CNGB1: variants seen among roughly 807,000 people sequenced by gnomAD.
The protein encoded by CNGB1 is cyclic nucleotide gated channel subunit beta 1, also known as cyclic nucleotide-gated channel beta-1.
A neutral mutation model predicts 151.7 loss-of-function variants in CNGB1; 126 were observed. The ratio of observed to expected loss-of-function variants is 0.83; its 90% CI spans 0.72 to 0.96. CNGB1 has a LOEUF of 0.96. CNGB1 is among the 40% of genes least tolerant of loss of function. The pLI, the probability that CNGB1 is intolerant of heterozygous loss-of-function variation, is 0.00. For missense variants in CNGB1, 1,698 were observed against 1,627.0 expected (o/e 1.04, Z -0.75); for synonymous variants, 623 against 635.1 (o/e 0.98, Z 0.29).
intron 18 of CNGB1, 137 bp from the exon 19 acceptor site, chr16:57,920,681 G>T: frequency 9.8e-7 from 1 of 1,019,242 alleles, no homozygotes; most frequent in Non-Finnish European, 1.5e-6. Context: ...ATCTCCTTCT[G>T]ACATCAGAAA....
intron 18 of CNGB1, among the ~76,000 whole-genome samples, chr16:57,920,785 C>G (rs1270334312): frequency 6.6e-6 from 1 of 152,184 alleles, no homozygotes; most frequent in African/African-American, 2.4e-5. Context: ...ACCACGTAGG[C>G]TCTGATTCAG....
intron 25 of CNGB1, among the ~76,000 whole-genome samples, chr16:57,910,953 A>C (rs1448242290): frequency 6.6e-6 from 1 of 152,056 alleles, no homozygotes; most frequent in Non-Finnish European, 1.5e-5. Context: ...CTTGTGCCAG[A>C]TTCTTTTTGG....
chr16:57,923,215 CACATCCCCCA>C, intron 18 of CNGB1, 48 bp downstream of exon 18: 12 of 1,308,246 alleles, frequency 9.2e-6, no homozygotes, highest in East Asian at 2.4e-5. Context: ...CTAGCCCCCC[CACATCCCCCA>C]CCCTCCCCGC....
At chr16:57,930,942 T>C (rs535395415) in intron 17 of CNGB1, among the ~76,000 whole-genome samples, 43 of 152,044 alleles carry the variant, frequency 2.8e-4, no homozygotes, top group African/African-American at 9.4e-4. Context: ...TCTAGAGATG[T>C]GCTGTAAATA....
intron 31 of CNGB1, among the ~76,000 whole-genome samples, chr16:57,889,998 A>G (rs115957517): frequency 0.013 from 1,967 of 152,230 alleles, 18 homozygotes; most frequent in Middle Eastern, 0.024. Context: ...ACCCACATCT[A>G]ATGGCATGTA....
intron 2 of CNGB1, among the ~76,000 whole-genome samples, chr16:57,964,920 C>T (rs1238417780): frequency 6.6e-6 from 1 of 152,158 alleles, no homozygotes; most frequent in Non-Finnish European, 1.5e-5. Context: ...GAGAGGAGCC[C>T]ACGCCCCTCA....
chr16:57,912,359 G>A (rs182224674), intron 24 of CNGB1, among the ~76,000 whole-genome samples: 17 of 152,310 alleles, frequency 1.1e-4, no homozygotes, highest in Admixed American at 4.6e-4. Flanking sequence ...GGCCCGGTTC[G>A]CTGCAATGCT....
chr16:57,954,727 C>G, intron 12 of CNGB1: 1 of 986,560 alleles, frequency 1.0e-6, no homozygotes, highest in South Asian at 4.7e-5. Context: ...TTTGTTGCTG[C>G]TCATTGGTGT....
intron 11 of CNGB1, among the ~76,000 whole-genome samples, chr16:57,957,988 G>T (rs916545754): frequency 6.6e-6 from 1 of 152,176 alleles, no homozygotes; most frequent in Admixed American, 6.5e-5. Flanking sequence ...GCTCATGAGC[G>T]CTCCCCCTGG....
chr16:57,906,866 C>G (rs1471759298), intron 25 of CNGB1, among the ~76,000 whole-genome samples: 1 of 152,086 alleles, frequency 6.6e-6, no homozygotes, highest in Non-Finnish European at 1.5e-5. Flanking sequence ...TCTGTGGGGA[C>G]CATCTGTGCT....
At chr16:57,970,506 C>T (rs1214225957) in intron 1 of CNGB1, among the ~76,000 whole-genome samples, 1 of 152,246 alleles carries the variant, frequency 6.6e-6, no homozygotes, top group Non-Finnish European at 1.5e-5. Context: ...TCCAGCTGCC[C>T]CACATGTATT....
chr16:57,941,061 G>A (rs1288096449), intron 14 of CNGB1, among the ~76,000 whole-genome samples: 7 of 152,136 alleles, frequency 4.6e-5, no homozygotes, highest in African/African-American at 1.7e-4. Context: ...AACAGAGCCT[G>A]AAATATATGT....
intron 22 of CNGB1, among the ~76,000 whole-genome samples, chr16:57,915,770 A>G (rs565730188): frequency 6.6e-6 from 1 of 151,938 alleles, no homozygotes; most frequent in East Asian, 1.9e-4. Context: ...GTGGTGACGC[A>G]CACTTGTAAT....
At position 57,903,883 on chromosome 16, in the gene CNGB1, C is replaced by G. The variant is rs1012577997; in HGVS notation, c.2733G>C (p.Lys911Asn). The G allele has an allele frequency of 2.5e-6, 4 of 1,614,070 alleles. No individual in the cohort carries two copies. In the African/African-American group the frequency reaches 4.0e-5, roughly 16 times the overall value. ...VKYMNFYKIP[K>N]SVQNRVKTWY... Reference sequence around the variant, plus strand: ...AGGTCTTGACGCGGTTCTGCACGGACTTGGGGATCTTGTAGAAATTCATGT... The same window carrying G: ...AGGTCTTGACGCGGTTCTGCACGGAGTTGGGGATCTTGTAGAAATTCATGT... The change falls in exon 27 of 33, where the codon AAG becomes AAC. Residue 911 changes from lysine to asparagine, a missense_variant. Physicochemically the swap from Lys to Asn is moderately conservative, Grantham distance 94. Transcript: ENST00000251102.
rs367713818 is a variant in CNGB1, at chr16:57,960,811, A to T, written c.534+29T>A. ...CCCCAGAAGCCCCCCCATATACTCA[A>T]CTCCCTGCCTCTCCCTTCCTTGGCT... On this transcript the variant is annotated intron_variant, in intron 8 of 32. Coordinates refer to ENST00000251102, the MANE Select transcript of CNGB1 (RefSeq NM_001297.5). 2.2e-5 allele frequency: 36 copies of T among 1,608,718 alleles called. No homozygotes were observed. The African/African-American group carries it at 3.8e-4, about 17-fold the overall frequency.
intron 12 of CNGB1, among the ~76,000 whole-genome samples, chr16:57,954,510 T>C (rs1962035760): frequency 6.6e-6 from 1 of 152,170 alleles, no homozygotes; most frequent in South Asian, 2.1e-4. Context: ...CAAAGACACA[T>C]GTGGGCCAGC....
Position 57,952,691 on chromosome 16 carries a change from G to A in CNGB1, c.875-2151C>T, listed in dbSNP as rs187667060. On this transcript the variant is annotated intron_variant, in intron 12 of 32. Transcript: ENST00000251102. ...AATGTTTGTATTTTTAGTAGAGATG[G>A]GGTTTCACCGTATTGGCCAGGCTGG... 5.0e-3 allele frequency among the ~76,000 whole-genome samples: 761 copies of A among 151,764 alleles called. 1 individual carries two copies. The highest frequency in any genetic ancestry group is 8.7e-3 in the Non-Finnish European group (590 of 67,898).
intron 11 of CNGB1, among the ~76,000 whole-genome samples, chr16:57,957,703 C>G (rs2060281703): frequency 6.6e-6 from 1 of 152,232 alleles, no homozygotes; most frequent in African/African-American, 2.4e-5. Context: ...CTTCCTCTCT[C>G]TGGGGCCTAG....
intron 2 of CNGB1, 124 bp from the exon 3 acceptor site, chr16:57,964,668 G>A (rs537490721): frequency 1.1e-6 from 1 of 940,220 alleles, no homozygotes; most frequent in Non-Finnish European, 1.7e-6. Flanking sequence ...CTTTCCTCAG[G>A]ATCATCTCTG....
Sources: allele counts gnomAD v4.1 joint callset (sites outside exome capture counted in the v4.1 genomes callset), GRCh38; gene constraint gnomAD v4.1.1; transcripts MANE v1.5; gene names NCBI Gene and HGNC (gene_info 2026-07-23, HGNC 2026-07-21).